The following CYP2C19 variants were observed in gnomAD, a reference collection of about 807,000 sequenced individuals.
The protein encoded by CYP2C19 is cytochrome P450 2C19.
A neutral mutation model predicts 40.9 loss-of-function variants in CYP2C19; 59 were observed. The observed-to-expected ratio is 1.44, with a 90% CI of 1.17 to 1.79. CYP2C19 has a LOEUF of 1.79. Among genes scored for constraint, CYP2C19 ranks in the 40% most tolerant of loss-of-function variants. The probability of loss-of-function intolerance (pLI) is 0.00; values close to 1 mark genes in which losing one functional copy is unlikely to be tolerated. For missense variants in CYP2C19, 754 were observed against 596.9 expected (o/e 1.26, Z -2.74); for synonymous variants, 253 against 208.7 (o/e 1.21, Z -1.83).
chr10:94,782,145 G>C (rs1423082393), intron 5 of CYP2C19, 148 bp downstream of exon 5: 2 of 530,198 alleles, frequency 3.8e-6, no homozygotes, highest in Non-Finnish European at 6.5e-6. Flanking sequence ...TGAATATCCA[G>C]TAAGCATCAT....
chr10:94,827,817 C>T (rs1300944272), intron 6 of CYP2C19, among the ~76,000 whole-genome samples: 1 of 152,028 alleles, frequency 6.6e-6, no homozygotes, highest in Non-Finnish European at 1.5e-5. Context: ...ATAAATTTCC[C>T]TCTACACACT....
At chr10:94,809,758 A>G (rs889432401) in intron 5 of CYP2C19, among the ~76,000 whole-genome samples, 1 of 152,112 alleles carries the variant, frequency 6.6e-6, no homozygotes, top group South Asian at 2.1e-4. Context: ...TAGTTTATTG[A>G]GAGTTTTTAG....
intron 5 of CYP2C19, among the ~76,000 whole-genome samples, chr10:94,801,921 T>C (rs1341379838): frequency 1.3e-5 from 2 of 152,144 alleles, no homozygotes; most frequent in Non-Finnish European, 2.9e-5. Flanking sequence ...TTTAAAGGTG[T>C]TGCAGACCAA....
intron 7 of CYP2C19, among the ~76,000 whole-genome samples, chr10:94,848,601 C>T (rs1849607247): frequency 6.6e-6 from 1 of 152,038 alleles, no homozygotes; most frequent in Non-Finnish European, 1.5e-5. Context: ...GTAGTTTTTC[C>T]AATTCTGTGA....
intron 7 of CYP2C19, among the ~76,000 whole-genome samples, chr10:94,849,633 C>G (rs150891082): frequency 1.0e-5 from 1 of 100,462 alleles, no homozygotes; most frequent in East Asian, 3.7e-4. Context: ...CCTCCCCCCT[C>G]CCCCCACCCC....
At chr10:94,773,587 G>A (rs1848364584) in intron 1 of CYP2C19, among the ~76,000 whole-genome samples, 1 of 152,152 alleles carries the variant, frequency 6.6e-6, no homozygotes, top group Non-Finnish European at 1.5e-5. Flanking sequence ...TCCTCCTGGT[G>A]GGTTTGTGGT....
At chr10:94,834,093 A>G (rs1849366789) in intron 6 of CYP2C19, among the ~76,000 whole-genome samples, 1 of 152,102 alleles carries the variant, frequency 6.6e-6, no homozygotes, top group Admixed American at 6.5e-5. Context: ...TCTTTGTTAA[A>G]TGTTTGGTAA....
rs374469629 is a variant in CYP2C19 at position 94,800,153 on chromosome 10, G to A, written c.819+18156G>A. Among the ~76,000 whole-genome samples, 171 of 152,196 alleles carry A rather than the reference G, an allele frequency of 1.1e-3. 2 individuals carry two copies. In the South Asian group the frequency reaches 0.021, roughly 19 times the overall value. On this transcript the variant is annotated intron_variant, in intron 5 of 8. Coordinates refer to ENST00000371321, the MANE Select transcript of CYP2C19 (RefSeq NM_000769.4). ...ATCTTTGTGGTTTTATCTACCTTTCGTCTTTGATGTTGCTGGCCTACAGTT... is the reference window on the plus strand; with the variant it reads ...ATCTTTGTGGTTTTATCTACCTTTCATCTTTGATGTTGCTGGCCTACAGTT...
At chr10:94,815,657 C>G (rs182254028) in intron 5 of CYP2C19, among the ~76,000 whole-genome samples, 1 of 152,274 alleles carries the variant, frequency 6.6e-6, no homozygotes, top group East Asian at 1.9e-4. Flanking sequence ...TTTCTCTTCA[C>G]TTTGTATATT....
intron 1 of CYP2C19, among the ~76,000 whole-genome samples, chr10:94,764,509 C>G (rs935437438): frequency 2.0e-5 from 3 of 152,120 alleles, no homozygotes; most frequent in African/African-American, 7.2e-5. Flanking sequence ...AGAAGCCCAG[C>G]CGGCTTCACC....
intron 6 of CYP2C19, among the ~76,000 whole-genome samples, chr10:94,834,808 G>C (rs552711092): frequency 1.3e-5 from 2 of 152,156 alleles, no homozygotes; most frequent in Non-Finnish European, 2.9e-5. Flanking sequence ...TGCAAGCCCC[G>C]TGTTTAAAGG....
chr10:94,850,899 GA>G (rs1289603037), intron 8 of CYP2C19, among the ~76,000 whole-genome samples: 2 of 152,300 alleles, frequency 1.3e-5, no homozygotes, highest in Non-Finnish European at 2.9e-5. Context: ...ATGTTTTTTG[GA>G]TGTTTGATCT....
In CYP2C19 at chr10:94,805,074, A is replaced by G. The variant is rs80239056; in HGVS notation, c.820-15422A>G. Among the ~76,000 whole-genome samples, 394 of 152,254 alleles carry G rather than the reference A, an allele frequency of 2.6e-3. 14 individuals carry two copies. The East Asian group carries it at 0.062, about 24-fold the overall frequency. ...ATTTTCTTGCATGGTTGCTCTGGCT[A>G]GAACTTCCAATACTATATTTAATAG... On this transcript the variant is annotated intron_variant, in intron 5 of 8. Coordinates refer to ENST00000371321, the MANE Select transcript of CYP2C19 (RefSeq NM_000769.4).
chr10:94,831,987 GT>G (rs1322101697), intron 6 of CYP2C19, among the ~76,000 whole-genome samples: 2 of 152,184 alleles, frequency 1.3e-5, no homozygotes, highest in Non-Finnish European at 2.9e-5. Flanking sequence ...CTAGACCAAT[GT>G]CCTGGAGATG....
chr10:94,797,975 T>C lies in CYP2C19; in HGVS notation c.819+15978T>C, dbSNP rs138933918. ...TTCATTGATTTTTTTAAAGGGTTTT[T>C]TGTGTCTCTATCTCTTTCAGTACTG... is the stretch of plus-strand genomic sequence containing the variant. On this transcript the variant is annotated intron_variant, in intron 5 of 8. Coordinates refer to ENST00000371321, the MANE Select transcript of CYP2C19 (RefSeq NM_000769.4). 9.0e-3 allele frequency among the ~76,000 whole-genome samples: 1,363 copies of C among 152,266 alleles called. 22 individuals are homozygous for C. The highest frequency in any genetic ancestry group is 0.03 in the African/African-American group (1,237 of 41,578).
At chr10:94,815,458 C>A (rs1406586104) in intron 5 of CYP2C19, among the ~76,000 whole-genome samples, 1 of 152,164 alleles carries the variant, frequency 6.6e-6, no homozygotes, top group Non-Finnish European at 1.5e-5. Context: ...TTATTGTTGT[C>A]AATTCTGCAT....
At chr10:94,788,785 G>A (rs541028023) in intron 5 of CYP2C19, among the ~76,000 whole-genome samples, 9 of 152,102 alleles carry the variant, frequency 5.9e-5, no homozygotes, top group Non-Finnish European at 1.0e-4. Context: ...CTTTGCTGTT[G>A]TGAGCAGTGC....
intron 5 of CYP2C19, among the ~76,000 whole-genome samples, chr10:94,809,717 T>C (rs1242904189): frequency 6.6e-6 from 1 of 152,130 alleles, no homozygotes; most frequent in African/African-American, 2.4e-5. Context: ...TAAATACCTC[T>C]TACTATTTTG....
chr10:94,819,168 A>G (rs1274581481), intron 5 of CYP2C19, among the ~76,000 whole-genome samples: 2 of 148,666 alleles, frequency 1.3e-5, no homozygotes, highest in African/African-American at 5.0e-5. Flanking sequence ...GAAGGCAGAA[A>G]TAAAGATGTT....
Sources: allele counts gnomAD v4.1 joint callset (sites outside exome capture counted in the v4.1 genomes callset), GRCh38; gene constraint gnomAD v4.1.1; transcripts MANE v1.5; gene names NCBI Gene and HGNC (gene_info 2026-07-23, HGNC 2026-07-21).